NSMCE2: variants seen among roughly 807,000 people sequenced by gnomAD.
The protein encoded by NSMCE2 is NSE2 SUMO ligase component of SMC5/6 complex.
In NSMCE2, 24 loss-of-function variants were observed where a neutral mutation model predicts 23.8. The ratio of observed to expected loss-of-function variants is 1.01; its 90% CI spans 0.73 to 1.42. The LOEUF (loss-of-function observed/expected upper bound fraction) is 1.42, where lower values mean the gene tolerates loss of function less well. Ranked by LOEUF, NSMCE2 falls within the 40% of genes most tolerant of loss-of-function variation. The probability of loss-of-function intolerance (pLI) is 0.00; values close to 1 mark genes in which losing one functional copy is unlikely to be tolerated. For missense variants in NSMCE2, 284 were observed against 296.5 expected, an observed-to-expected ratio of 0.96 and a Z score of 0.31; for synonymous variants, 92 against 94.1, an observed-to-expected ratio of 0.98 and a Z score of 0.13.
intron 5 of NSMCE2, among the ~76,000 whole-genome samples, chr8:125,289,995 A>G (rs188328548): frequency 9.2e-5 from 14 of 152,308 alleles, no homozygotes; most frequent in African/African-American, 3.1e-4. Flanking sequence ...TTTTTCACGG[A>G]GTTTAAAGAA....
intron 1 of NSMCE2, among the ~76,000 whole-genome samples, chr8:125,096,538 T>C (rs991706721): frequency 6.6e-6 from 1 of 151,800 alleles, no homozygotes; most frequent in Admixed American, 6.6e-5. Flanking sequence ...TCTAGTGTTA[T>C]TTGTTTTTTT....
intron 5 of NSMCE2, among the ~76,000 whole-genome samples, chr8:125,315,176 G>T (rs1442162149): frequency 6.6e-6 from 1 of 152,070 alleles, no homozygotes; most frequent in Non-Finnish European, 1.5e-5. Flanking sequence ...GAGTTACAGG[G>T]ATAGAGTGGT....
chr8:125,260,280 A>G (rs1826631260), intron 5 of NSMCE2, among the ~76,000 whole-genome samples: 2 of 152,202 alleles, frequency 1.3e-5, no homozygotes, highest in Admixed American at 6.5e-5. Context: ...CACTAGTGTT[A>G]GCCCAGTATA....
At chr8:125,120,448 AG>A (rs1819212075) in intron 3 of NSMCE2, among the ~76,000 whole-genome samples, 2 of 152,204 alleles carry the variant, frequency 1.3e-5, no homozygotes, top group Admixed American at 1.3e-4. Context: ...TAGTTTAGTC[AG>A]CCTAAAATGA....
At chr8:125,149,609 A>G (rs1820881891) in intron 3 of NSMCE2, among the ~76,000 whole-genome samples, 1 of 152,214 alleles carries the variant, frequency 6.6e-6, no homozygotes, top group Admixed American at 6.5e-5. Context: ...TTAGAGCTTG[A>G]AGAAACAGTT....
At chr8:125,239,532 C>G (rs1462089592) in intron 5 of NSMCE2, among the ~76,000 whole-genome samples, 1 of 151,044 alleles carries the variant, frequency 6.6e-6, no homozygotes, top group East Asian at 1.9e-4. Context: ...TTGCTTTAAC[C>G]CGGGAGGCAG....
chr8:125,161,279 AT>A (rs1393173780), intron 4 of NSMCE2, among the ~76,000 whole-genome samples: 1 of 151,450 alleles, frequency 6.6e-6, no homozygotes, highest in Admixed American at 6.6e-5. Flanking sequence ...TAAGAATTTT[AT>A]TTTTTTCTGG....
chr8:125,261,732 T>A (rs1237286502), intron 5 of NSMCE2, among the ~76,000 whole-genome samples: 2 of 150,120 alleles, frequency 1.3e-5, no homozygotes, highest in African/African-American at 4.9e-5. Flanking sequence ...TAAAAGCTAA[T>A]CATGTAAAGA....
intron 5 of NSMCE2, among the ~76,000 whole-genome samples, chr8:125,219,590 A>C (rs939722586): frequency 1.1e-4 from 16 of 152,218 alleles, no homozygotes; most frequent in African/African-American, 3.9e-4. Context: ...AACGATATTA[A>C]ATAGAGTAAT....
chr8:125,153,014 G>A (rs931126922), intron 4 of NSMCE2, among the ~76,000 whole-genome samples: 7 of 126,192 alleles, frequency 5.5e-5, no homozygotes, highest in Non-Finnish European at 9.3e-5. Context: ...CTGAGATCAC[G>A]CCAGTGCACT....
At chr8:125,363,130 A>G (rs1449875994) in intron 7 of NSMCE2, 2 of 152,212 alleles carry the variant, frequency 1.3e-5, no homozygotes, top group East Asian at 3.9e-4. Flanking sequence ...CATGGAAGCC[A>G]AAGTTATGAT....
chr8:125,179,450 TTAGA>T (rs1381047769), intron 4 of NSMCE2, among the ~76,000 whole-genome samples: 1 of 152,208 alleles, frequency 6.6e-6, no homozygotes, highest in African/African-American at 2.4e-5. Context: ...TCTGTGTCTC[TTAGA>T]TATTCAAACA....
chr8:125,145,347 G>A (rs1170515512), intron 3 of NSMCE2, among the ~76,000 whole-genome samples: 3 of 152,122 alleles, frequency 2.0e-5, no homozygotes, highest in South Asian at 4.1e-4. Context: ...ATGTAAATCA[G>A]GGATTATCTG....
intron 3 of NSMCE2, among the ~76,000 whole-genome samples, chr8:125,121,052 AG>A (rs1409720860): frequency 6.6e-6 from 1 of 152,210 alleles, no homozygotes; most frequent in Non-Finnish European, 1.5e-5. Flanking sequence ...AGAACTTGGA[AG>A]GCATCTTTTA....
At chr8:125,265,653 T>C (rs1826880976) in intron 5 of NSMCE2, among the ~76,000 whole-genome samples, 1 of 152,254 alleles carries the variant, frequency 6.6e-6, no homozygotes, top group Non-Finnish European at 1.5e-5. Flanking sequence ...AGTCCGTGCC[T>C]TGCCTTAGAG....
At chr8:125,256,277 G>A (rs369024542) in intron 5 of NSMCE2, among the ~76,000 whole-genome samples, 7 of 137,434 alleles carry the variant, frequency 5.1e-5, no homozygotes, top group South Asian at 2.4e-4. Flanking sequence ...GTGAGACTCC[G>A]TCTCAAAAAA....
chr8:125,095,898 A>G (rs1048282586), intron 1 of NSMCE2, among the ~76,000 whole-genome samples: 9 of 152,056 alleles, frequency 5.9e-5, no homozygotes, highest in Admixed American at 2.0e-4. Flanking sequence ...AAAAAAAAAA[A>G]AAAGAAAAGA....
At chr8:125,147,974 C>G (rs1395593859) in intron 3 of NSMCE2, among the ~76,000 whole-genome samples, 1 of 152,214 alleles carries the variant, frequency 6.6e-6, no homozygotes, top group African/African-American at 2.4e-5. Flanking sequence ...TCGTAGGTCT[C>G]TGGTCTCTCA....
At chr8:125,157,816 G>C (rs1821404101) in intron 4 of NSMCE2, among the ~76,000 whole-genome samples, 1 of 152,090 alleles carries the variant, frequency 6.6e-6, no homozygotes, top group East Asian at 1.9e-4. Context: ...CTGTTACTGG[G>C]CCTTAATGTG....
Sources: gnomAD v4.1 joint callset for allele counts (sites outside exome capture counted in the v4.1 genomes callset) on GRCh38, gnomAD v4.1.1 for gene constraint, MANE v1.5 for transcripts, NCBI Gene and HGNC (gene_info 2026-07-23, HGNC 2026-07-21) for gene names.